SYNPR: variants seen among roughly 807,000 people sequenced by gnomAD.
SYNPR encodes the protein synaptoporin.
SYNPR carries 23 observed loss-of-function variants against 32.9 expected under a neutral mutation model. The observed-to-expected ratio is 0.70, with a 90% CI of 0.50 to 0.99. SYNPR has a LOEUF of 0.99. Among genes scored for constraint, SYNPR ranks in the 50% least tolerant of loss-of-function variants. SYNPR has a pLI of 0.00. For synonymous variants in SYNPR, 146 were observed against 135.9 expected (o/e 1.07, Z -0.52); for missense variants, 318 against 349.3 (o/e 0.91, Z 0.71).
At chr3:63,233,317 A>G (rs1388672148) in intron 1 of SYNPR, among the ~76,000 whole-genome samples, 1 of 152,244 alleles carries the variant, frequency 6.6e-6, no homozygotes, top group Non-Finnish European at 1.5e-5. Context: ...TAGTAAATTC[A>G]AATTCTCTTT....
chr3:63,595,993 TTA>T (rs565773030), intron 4 of SYNPR, among the ~76,000 whole-genome samples: 1,959 of 135,046 alleles, frequency 0.015, 69 homozygotes, highest in African/African-American at 0.054. Flanking sequence ...ATATATAGTT[TTA>T]TATATATATA....
intron 2 of SYNPR, among the ~76,000 whole-genome samples, chr3:63,418,072 G>A (rs1385861597): frequency 1.3e-5 from 2 of 152,138 alleles, no homozygotes; most frequent in East Asian, 1.9e-4. Flanking sequence ...TTTTCCAAAC[G>A]TTTATGCTCT....
chr3:63,342,382 A>AT (rs2087382183), intron 2 of SYNPR, among the ~76,000 whole-genome samples: 1 of 152,002 alleles, frequency 6.6e-6, no homozygotes, highest in Non-Finnish European at 1.5e-5. Flanking sequence ...TGCTCATATG[A>AT]TTTTCTTTCT....
chr3:63,459,423 C>A (rs997988817), intron 2 of SYNPR, among the ~76,000 whole-genome samples: 1 of 152,132 alleles, frequency 6.6e-6, no homozygotes, highest in Admixed American at 6.6e-5. Flanking sequence ...CCTTCCTGTT[C>A]TGTTAGGTAA....
intron 3 of SYNPR, among the ~76,000 whole-genome samples, chr3:63,502,093 T>C (rs970891079): frequency 1.3e-5 from 2 of 152,170 alleles, no homozygotes; most frequent in African/African-American, 4.8e-5. Flanking sequence ...TATATAGACA[T>C]GTTATCAAAA....
At chr3:63,224,938 G>T (rs1207156644), upstream of SYNPR, among the ~76,000 whole-genome samples, 1 of 152,202 alleles carries the variant, frequency 6.6e-6, no homozygotes, top group Non-Finnish European at 1.5e-5. Context: ...TCTCCCTGAT[G>T]AACAGGGTGG....
Position 63,319,366 on chromosome 3 carries a change from T to C in SYNPR, c.84+40624T>C, listed in dbSNP as rs555156531. ...TTGAAGTCAGGTAATGTGATGTCTCTAGCTTTGTTTTTTTGCTTAGGATTG... is the reference window on the plus strand; with the variant it reads ...TTGAAGTCAGGTAATGTGATGTCTCCAGCTTTGTTTTTTTGCTTAGGATTG... On this transcript the variant is annotated intron_variant, in intron 2 of 5. Transcript: ENST00000478300. Among the ~76,000 whole-genome samples the C allele has an allele frequency of 8.7e-4, 133 of 152,174 alleles. 1 individual carries two copies. Among genetic ancestry groups the C allele is most frequent in the Non-Finnish European group, 1.7e-3 (113 of 67,962 alleles).
chr3:63,469,386 A>G (rs1379341128), intron 2 of SYNPR, among the ~76,000 whole-genome samples: 1 of 152,134 alleles, frequency 6.6e-6, no homozygotes, highest in East Asian at 1.9e-4. Context: ...TATCAAGCAG[A>G]AGTATACAGT....
At chr3:63,404,415 A>G (rs2088332261) in intron 2 of SYNPR, among the ~76,000 whole-genome samples, 1 of 152,218 alleles carries the variant, frequency 6.6e-6, no homozygotes, top group African/African-American at 2.4e-5. Flanking sequence ...TATATGAAGG[A>G]AAATCATAAA....
intron 2 of SYNPR, among the ~76,000 whole-genome samples, chr3:63,262,489 C>T (rs1461538077): frequency 6.6e-6 from 1 of 152,146 alleles, no homozygotes; most frequent in Non-Finnish European, 1.5e-5. Context: ...AACTCCCCTG[C>T]ACTTCTAGAC....
chr3:63,397,220 GT>G (rs2088227647), intron 2 of SYNPR, among the ~76,000 whole-genome samples: 1 of 152,132 alleles, frequency 6.6e-6, no homozygotes, highest in Non-Finnish European at 1.5e-5. Flanking sequence ...GGGATGCAAA[GT>G]ATCTTGGGAC....
At chr3:63,218,868 G>C in the SYNPR span, among the ~76,000 whole-genome samples, 1 of 152,244 alleles carries the variant, frequency 6.6e-6, no homozygotes, top group African/African-American at 2.4e-5. Flanking sequence ...AGTATTGCTG[G>C]GTTAAACAAC....
At chr3:63,552,023 G>A (rs772693280) in intron 3 of SYNPR, among the ~76,000 whole-genome samples, 12 of 151,796 alleles carry the variant, frequency 7.9e-5, no homozygotes, top group Admixed American at 4.6e-4. Flanking sequence ...TCAGCCTCCC[G>A]AGTAGCTGGG....
At chr3:63,417,571 A>G (rs1233042921) in intron 2 of SYNPR, among the ~76,000 whole-genome samples, 1 of 152,176 alleles carries the variant, frequency 6.6e-6, no homozygotes, top group Non-Finnish European at 1.5e-5. Flanking sequence ...TCCCTAGCAG[A>G]CTTCTCCATG....
At chr3:63,565,788 G>T (rs557389778) in intron 4 of SYNPR, among the ~76,000 whole-genome samples, 2 of 152,112 alleles carry the variant, frequency 1.3e-5, no homozygotes, top group Non-Finnish European at 2.9e-5. Context: ...TAGCTTAGAC[G>T]TTGCTTCATT....
At chr3:63,537,076 T>C (rs1303629217) in intron 3 of SYNPR, among the ~76,000 whole-genome samples, 2 of 152,060 alleles carry the variant, frequency 1.3e-5, no homozygotes, top group East Asian at 3.9e-4. Context: ...ACTATGAATA[T>C]ATGATAGCTT....
chr3:63,252,489 C>CT (rs1411229385), intron 1 of SYNPR: 2 of 152,146 alleles, frequency 1.3e-5, no homozygotes, highest in East Asian at 3.9e-4. Context: ...ATTTCGTTTT[C>CT]TTTTTTCAGT....
At chr3:63,231,590 A>G (rs1020603446) in intron 1 of SYNPR, among the ~76,000 whole-genome samples, 1 of 152,204 alleles carries the variant, frequency 6.6e-6, no homozygotes, top group Non-Finnish European at 1.5e-5. Flanking sequence ...ATGATAAATA[A>G]GTAATGTTAC....
At chr3:63,391,136 ATC>A (rs1166783258) in intron 2 of SYNPR, among the ~76,000 whole-genome samples, 1 of 152,158 alleles carries the variant, frequency 6.6e-6, no homozygotes, top group Admixed American at 6.5e-5. Flanking sequence ...CTTCCTGGAA[ATC>A]TCTCTATCTT....
Sources: allele counts gnomAD v4.1 joint callset (sites outside exome capture counted in the v4.1 genomes callset), GRCh38; gene constraint gnomAD v4.1.1; transcripts MANE v1.5; gene names NCBI Gene and HGNC (gene_info 2026-07-23, HGNC 2026-07-21).